Variants in KCNH7 observed in about 807,000 individuals in gnomAD.
KCNH7 encodes the protein potassium voltage-gated channel subfamily H member 7.
KCNH7 carries 49 observed loss-of-function variants against 120.8 expected under a neutral mutation model. The observed-to-expected ratio is 0.41, with a 90% CI of 0.32 to 0.51. KCNH7 has a LOEUF of 0.51. Among genes scored for constraint, KCNH7 ranks in the 20% least tolerant of loss-of-function variants. The pLI is 0.38. For synonymous variants in KCNH7, 547 were observed against 516.1 expected (o/e 1.06, Z -0.81); for missense variants, 1,097 against 1,446.6 (o/e 0.76, Z 3.92).
At chr2:162,429,381 G>GTTT (rs1158431426) in intron 8 of KCNH7, among the ~76,000 whole-genome samples, 2 of 43,418 alleles carry the variant, frequency 4.6e-5, no homozygotes, top group Admixed American at 3.7e-4. Flanking sequence ...TGAGGAAAAA[G>GTTT]TCTTTTTTTT....
intron 2 of KCNH7, among the ~76,000 whole-genome samples, chr2:162,734,818 T>C (rs1687843701): frequency 1.3e-5 from 2 of 152,176 alleles, no homozygotes. Context: ...TACTTGACAG[T>C]GATTTTTCTT....
intron 12 of KCNH7, among the ~76,000 whole-genome samples, chr2:162,390,198 G>A (rs979445914): frequency 1.3e-5 from 2 of 151,598 alleles, no homozygotes; most frequent in East Asian, 2.0e-4. Context: ...TATAAGCCCT[G>A]TAAGTAAACA....
chr2:162,621,144 A>C (rs1301396332), intron 2 of KCNH7, among the ~76,000 whole-genome samples: 1 of 150,806 alleles, frequency 6.6e-6, no homozygotes, highest in African/African-American at 2.4e-5. Context: ...TATACACAGG[A>C]TATTACTAAT....
At chr2:162,818,355 A>G (rs1203598942) in intron 2 of KCNH7, among the ~76,000 whole-genome samples, 2 of 151,824 alleles carry the variant, frequency 1.3e-5, no homozygotes, top group African/African-American at 4.9e-5. Context: ...TCATTTGTTG[A>G]AAAGACTTAC....
At chr2:162,507,193 T>C (rs780866331) in intron 5 of KCNH7, among the ~76,000 whole-genome samples, 4 of 151,752 alleles carry the variant, frequency 2.6e-5, no homozygotes, top group Non-Finnish European at 5.9e-5. Context: ...GAGTAGCCAA[T>C]AGAATATTTC....
At chr2:162,754,778 A>G (rs1688726834) in intron 2 of KCNH7, among the ~76,000 whole-genome samples, 1 of 152,222 alleles carries the variant, frequency 6.6e-6, no homozygotes, top group Admixed American at 6.5e-5. Context: ...ATAAAATGCA[A>G]AGAAAAAATG....
At chr2:162,510,594 T>C (rs1056664678) in intron 5 of KCNH7, among the ~76,000 whole-genome samples, 1 of 151,726 alleles carries the variant, frequency 6.6e-6, no homozygotes, top group Non-Finnish European at 1.5e-5. Context: ...ACGTTATTTA[T>C]TTAATTCAGA....
chr2:162,469,564 T>C (rs1030027000), intron 6 of KCNH7, among the ~76,000 whole-genome samples: 8 of 152,214 alleles, frequency 5.3e-5, no homozygotes, highest in Non-Finnish European at 1.2e-4. Context: ...ATATGCTTTT[T>C]AGAAGAGTAC....
At chr2:162,378,595 C>A (rs1686296732) in intron 14 of KCNH7, among the ~76,000 whole-genome samples, 1 of 152,190 alleles carries the variant, frequency 6.6e-6, no homozygotes, top group Non-Finnish European at 1.5e-5. Context: ...TGCTAGTAAC[C>A]TGCCAGGCAT....
At chr2:162,816,775 T>G (rs1488631489) in intron 2 of KCNH7, among the ~76,000 whole-genome samples, 2 of 152,158 alleles carry the variant, frequency 1.3e-5, no homozygotes, top group African/African-American at 2.4e-5. Flanking sequence ...TCAGTATGAG[T>G]AGCCCTGATT....
At chr2:162,675,114 T>A (rs931741678) in intron 2 of KCNH7, among the ~76,000 whole-genome samples, 1 of 151,524 alleles carries the variant, frequency 6.6e-6, no homozygotes, top group Non-Finnish European at 1.5e-5. Flanking sequence ...AGCAGATATT[T>A]TATAGAACAA....
intron 2 of KCNH7, among the ~76,000 whole-genome samples, chr2:162,544,561 G>T (rs1428378972): frequency 6.6e-6 from 1 of 152,158 alleles, no homozygotes; most frequent in Non-Finnish European, 1.5e-5. Flanking sequence ...GGGACAGAAT[G>T]CTTGGGTTCC....
In KCNH7 at chr2:162,397,780, A is replaced by T. The variant is rs554563052; in HGVS notation, c.2408-835T>A. On this transcript the variant is annotated intron_variant, in intron 10 of 15. Coordinates refer to ENST00000332142, the MANE Select transcript of KCNH7 (RefSeq NM_033272.4). ...ATTGCCTCAATTTGTTCCTAAAATA[A>T]CTTCATGAAGGAATTACTAATAATT... 8.2e-4 allele frequency among the ~76,000 whole-genome samples: 125 copies of T among 151,962 alleles called. 1 individual carries two copies. The highest frequency in any genetic ancestry group is 2.5e-4 in the Non-Finnish European group (17 of 67,862).
At chr2:162,790,862 A>G (rs982545148) in intron 2 of KCNH7, among the ~76,000 whole-genome samples, 1 of 152,152 alleles carries the variant, frequency 6.6e-6, no homozygotes. Context: ...TAACATATCC[A>G]CAGTTGAAAT....
At chr2:162,604,257 A>G (rs1694655703) in intron 2 of KCNH7, among the ~76,000 whole-genome samples, 1 of 152,154 alleles carries the variant, frequency 6.6e-6, no homozygotes, top group South Asian at 2.1e-4. Context: ...GGTAGTAAGA[A>G]GTAGATATGA....
chr2:162,641,485 G>A (rs543100025), intron 2 of KCNH7, among the ~76,000 whole-genome samples: 17 of 152,148 alleles, frequency 1.1e-4, no homozygotes, highest in African/African-American at 4.1e-4. Context: ...TGAGATGGGA[G>A]GAGCCCTTGA....
chr2:162,566,062 A>G (rs935164087), intron 2 of KCNH7, among the ~76,000 whole-genome samples: 1 of 151,974 alleles, frequency 6.6e-6, no homozygotes, highest in East Asian at 1.9e-4. Context: ...GGGAACCATG[A>G]CCTGCCACTT....
Position 162,517,896 on chromosome 2 carries a change from C to T in KCNH7, c.726G>A (p.Arg242=). Residue 242 remains arginine (R), a synonymous_variant, in exon 4 of 16, where the codon AGG becomes AGA. Transcript: ENST00000332142. ...TGTCAGGGTAGAGTCGGTCCCATTG[C>T]CTTTTGGGAGAGGAATGGTCAAGAG... ...SGPLDHSSPK[R]QWDRLYPDML... 3.1e-6 allele frequency: 5 copies of T among 1,612,250 alleles called. No homozygotes were observed. The highest frequency in any genetic ancestry group is 4.2e-6 in the Non-Finnish European group (5 of 1,178,870).
chr2:162,446,357 A>G lies in KCNH7; in HGVS notation c.1215T>C (p.Pro405=). 6.2e-7 allele frequency: 1 copy of G among 1,613,814 alleles called. No homozygotes were observed. Among genetic ancestry groups the G allele is most frequent in the South Asian group, 1.1e-5 (1 of 91,072 alleles). Residue 405 remains proline, a synonymous_variant, in exon 7 of 16, where the codon CCT becomes CCC. Transcript: ENST00000332142. ...INKFTILHYS[P]FKAVWDWLIL... ...TAAGCCAGTCCCAGACTGCCTTGAA[A>G]GGGCTGTAGTGCAATATCGTAAACT...
Sources: allele counts gnomAD v4.1 joint callset (sites outside exome capture counted in the v4.1 genomes callset), GRCh38; gene constraint gnomAD v4.1.1; transcripts MANE v1.5; gene names NCBI Gene and HGNC (gene_info 2026-07-23, HGNC 2026-07-21).